The following ASNS variants were observed in gnomAD, a reference collection of about 807,000 sequenced individuals.
ASNS encodes asparagine synthetase (glutamine-hydrolyzing).
Under a neutral mutation model 62.6 loss-of-function variants are expected in ASNS, and 37 were observed. The observed-to-expected ratio is 0.59, with a 90% confidence interval of 0.45 to 0.78. The LOEUF (loss-of-function observed/expected upper bound fraction) is 0.78. Ranked by LOEUF, ASNS falls within the 30% of genes least tolerant of loss-of-function variation. ASNS has a pLI of 0.00. For synonymous variants in ASNS, 207 were observed against 237.9 expected, an observed-to-expected ratio of 0.87 and a Z score of 1.19; for missense variants, 520 against 682.4, an observed-to-expected ratio of 0.76 and a Z score of 2.65.
the ASNS span, among the ~76,000 whole-genome samples, chr7:97,902,906 C>A: frequency 1.3e-5 from 2 of 152,194 alleles, no homozygotes; most frequent in African/African-American, 4.8e-5. Context: ...AGCAGCAGTT[C>A]TCAGATGGGG....
the ASNS span, chr7:97,898,948 T>G: frequency 2.0e-6 from 2 of 998,626 alleles, no homozygotes; most frequent in Admixed American, 1.7e-5. Flanking sequence ...GACCATCAGA[T>G]GCAATTTGGG....
intron 3 of ASNS, among the ~76,000 whole-genome samples, chr7:97,866,392 G>C (rs575990326): frequency 6.6e-6 from 1 of 152,164 alleles, no homozygotes; most frequent in South Asian, 2.1e-4. Flanking sequence ...ATAAAATGAC[G>C]GTGGCGCTTT....
Position 97,852,109 on chromosome 7 carries a change from TA to T in ASNS, c.*149del. ...CTCTTATGAAGAGACTGCATGAACA[TA>T]AATGACTACAGCAATGGTTTAGATT... On this transcript the variant is annotated 3_prime_UTR_variant, in exon 13 of 13. Transcript: ENST00000394308. The T allele has an allele frequency of 1.2e-6, 1 of 824,292 alleles. No individual in the cohort carries two copies. Among genetic ancestry groups the T allele is most frequent in the Non-Finnish European group, 1.9e-6 (1 of 531,044 alleles). 51.1% of individuals were successfully genotyped at this position (824,292 alleles called of 1,614,324 possible). A position where few individuals can be genotyped will look rare whatever the true frequency, so the allele number is the denominator to read the frequency against.
the ASNS span, among the ~76,000 whole-genome samples, chr7:97,910,879 T>C: frequency 6.6e-6 from 1 of 152,178 alleles, no homozygotes; most frequent in African/African-American, 2.4e-5. Flanking sequence ...GGATTACAGA[T>C]GTGAGCCACC....
chr7:97,880,621 G>A, the ASNS span, among the ~76,000 whole-genome samples: 1 of 152,158 alleles, frequency 6.6e-6, no homozygotes, highest in African/African-American at 2.4e-5. Context: ...ATTGGAGATG[G>A]GGAGCTACCT....
chr7:97,859,332 T>C lies in ASNS; in HGVS notation c.554A>G (p.Tyr185Cys), dbSNP rs1288356442. 1 of 1,613,974 alleles carries C rather than the reference T, an allele frequency of 6.2e-7. No homozygotes were observed. Among genetic ancestry groups the C allele is most frequent in the Non-Finnish European group, 8.5e-7 (1 of 1,180,000 alleles). ...ATTTGGCTTTAAATCCAAAACTTCA[T>C]AGTGTCCAGGAAGAAAAGGCTCCAC... ...LKVEPFLPGHYEVLDLKPNGK... is the reference protein window; with the variant it reads ...LKVEPFLPGHCEVLDLKPNGK... Residue 185 changes from tyrosine to cysteine, a missense_variant, in exon 5 of 13, where the codon TAT (tyrosine) becomes TGT (cysteine). Physicochemically the swap from Tyr to Cys is radical, Grantham distance 194. Coordinates refer to ENST00000394308, the MANE Select transcript of ASNS (RefSeq NM_001673.5).
the ASNS span, among the ~76,000 whole-genome samples, chr7:97,918,531 C>T: frequency 6.6e-6 from 1 of 152,192 alleles, no homozygotes; most frequent in Non-Finnish European, 1.5e-5. Context: ...CAACGTGAGA[C>T]AATGTCAAAG....
At chr7:97,853,891 A>G (rs1355219358) in intron 10 of ASNS, among the ~76,000 whole-genome samples, 1 of 152,102 alleles carries the variant, frequency 6.6e-6, no homozygotes, top group African/African-American at 2.4e-5. Flanking sequence ...AAGCCTAGTG[A>G]CTCTAGTTAG....
chr7:97,894,923 GA>G, the ASNS span, among the ~76,000 whole-genome samples: 4 of 152,146 alleles, frequency 2.6e-5, no homozygotes, highest in African/African-American at 9.7e-5. Flanking sequence ...AACAAAAGGA[GA>G]AAACTACAGG....
intron 4 of ASNS, among the ~76,000 whole-genome samples, chr7:97,862,270 A>G (rs1194057369): frequency 6.6e-6 from 1 of 152,168 alleles, no homozygotes; most frequent in Non-Finnish European, 1.5e-5. Context: ...AAGTATAATA[A>G]TAATAATAAT....
chr7:97,886,257 C>T, the ASNS span, among the ~76,000 whole-genome samples: 1 of 152,214 alleles, frequency 6.6e-6, no homozygotes, highest in African/African-American at 2.4e-5. Context: ...AAGCGATTCC[C>T]CTGCCTCAGC....
chr7:97,891,277 G>A, the ASNS span, among the ~76,000 whole-genome samples: 4 of 152,172 alleles, frequency 2.6e-5, no homozygotes, highest in African/African-American at 9.6e-5. Flanking sequence ...AACAGCATGG[G>A]AAAGACCTGC....
chr7:97,922,274 G>A, the ASNS span, among the ~76,000 whole-genome samples: 1 of 152,128 alleles, frequency 6.6e-6, no homozygotes, highest in African/African-American at 2.4e-5. Flanking sequence ...GCCGAGGTGG[G>A]AGGATTGATT....
chr7:97,914,571 G>A, the ASNS span, among the ~76,000 whole-genome samples: 7 of 152,172 alleles, frequency 4.6e-5, no homozygotes, highest in African/African-American at 1.7e-4. Flanking sequence ...TCACATTGAG[G>A]ATGCTTATCA....
At chr7:97,859,895 G>T (rs1410572974) in intron 4 of ASNS, among the ~76,000 whole-genome samples, 1 of 152,142 alleles carries the variant, frequency 6.6e-6, no homozygotes, top group Non-Finnish European at 1.5e-5. Context: ...CAGATAAGAA[G>T]ACATCTATCC....
the ASNS span, among the ~76,000 whole-genome samples, chr7:97,896,741 C>CACATATATATATATATATATAT: frequency 2.6e-3 from 51 of 19,760 alleles, 1 homozygote; most frequent in Non-Finnish European, 4.7e-3. Flanking sequence ...CACACACACA[C>CACATATATATATATATATATAT]ATATATATAT....
the ASNS span, among the ~76,000 whole-genome samples, chr7:97,892,436 A>G: frequency 6.6e-6 from 1 of 152,210 alleles, no homozygotes; most frequent in Non-Finnish European, 1.5e-5. Context: ...CTGCAGCCAG[A>G]TCGAATTTTT....
chr7:97,906,243 CCCACCACCA>C, the ASNS span, among the ~76,000 whole-genome samples: 6 of 151,742 alleles, frequency 4.0e-5, no homozygotes, highest in Admixed American at 6.6e-5. Context: ...CTACCAGTTT[CCCACCACCA>C]CCACCACCAC....
At chr7:97,919,186 C>T in the ASNS span, among the ~76,000 whole-genome samples, 1 of 151,920 alleles carries the variant, frequency 6.6e-6, no homozygotes, top group Admixed American at 6.6e-5. Flanking sequence ...GCAACCTGCT[C>T]CTCACTGCAA....
Sources: allele counts gnomAD v4.1 joint callset (sites outside exome capture counted in the v4.1 genomes callset), GRCh38; gene constraint gnomAD v4.1.1; transcripts MANE v1.5; gene names NCBI Gene and HGNC (gene_info 2026-07-23, HGNC 2026-07-21).